Variants in JAK1 observed in about 807,000 individuals in gnomAD.
The protein encoded by JAK1 is tyrosine-protein kinase JAK1.
In JAK1, 16 loss-of-function variants were observed where a neutral mutation model predicts 136.6. That is an observed-to-expected ratio of 0.12 (90% CI 0.08 to 0.18). The LOEUF (loss-of-function observed/expected upper bound fraction) is 0.18. Ranked by LOEUF, JAK1 falls within the 10% of genes least tolerant of loss-of-function variation. The pLI is 1.00. For missense variants in JAK1, 859 were observed against 1,450.1 expected (o/e 0.59, Z 6.62); for synonymous variants, 492 against 519.5 (o/e 0.95, Z 0.72).
intron 1 of JAK1, among the ~76,000 whole-genome samples, chr1:65,067,238 A>G (rs1473791260): frequency 5.3e-5 from 8 of 150,044 alleles, no homozygotes; most frequent in Non-Finnish European, 1.2e-4. Flanking sequence ...GGCAGGCGCT[A>G]GGCGCTGGGC....
intron 2 of JAK1, among the ~76,000 whole-genome samples, chr1:65,032,407 T>G (rs1331944172): frequency 6.6e-6 from 1 of 152,252 alleles, no homozygotes; most frequent in Non-Finnish European, 1.5e-5. Flanking sequence ...GTCTGAGTAC[T>G]GGTCATTCTG....
At chr1:64,873,282 C>T in intron 5 of JAK1, 88 bp downstream of exon 5, 1 of 1,516,376 alleles carries the variant, frequency 6.6e-7, no homozygotes, top group Non-Finnish European at 9.1e-7. Flanking sequence ...TCTAGCACCA[C>T]CAAGTTCAGC....
At chr1:65,023,406 G>A (rs185168408) in intron 2 of JAK1, among the ~76,000 whole-genome samples, 14 of 152,222 alleles carry the variant, frequency 9.2e-5, no homozygotes, top group African/African-American at 3.4e-4. Context: ...AACAGATTTC[G>A]ATAATTGTAC....
At chr1:64,998,302 A>G (rs1289811332) in intron 2 of JAK1, among the ~76,000 whole-genome samples, 4 of 152,246 alleles carry the variant, frequency 2.6e-5, no homozygotes, top group Non-Finnish European at 5.9e-5. Flanking sequence ...AGCATTGTTG[A>G]AAGTAATTAC....
At chr1:64,925,117 CTGGGCGCAG>C (rs1645561160) in intron 1 of JAK1, among the ~76,000 whole-genome samples, 4 of 152,022 alleles carry the variant, frequency 2.6e-5, no homozygotes, top group Admixed American at 1.3e-4. Context: ...TTGCTCTAGG[CTGGGCGCAG>C]TGGCTCATGC....
chr1:64,932,086 C>A (rs1051390442), intron 1 of JAK1, among the ~76,000 whole-genome samples: 3 of 151,476 alleles, frequency 2.0e-5, no homozygotes, highest in African/African-American at 7.3e-5. Flanking sequence ...ACGCTCATAC[C>A]AACACTGTGA....
chr1:64,843,434 G>A (rs777244975), intron 17 of JAK1, among the ~76,000 whole-genome samples: 11 of 152,122 alleles, frequency 7.2e-5, no homozygotes, highest in African/African-American at 2.2e-4. Flanking sequence ...TCCACACCTC[G>A]CCTGTTTTGC....
At chr1:64,962,428 C>G (rs1275383093) in intron 1 of JAK1, among the ~76,000 whole-genome samples, 1 of 152,136 alleles carries the variant, frequency 6.6e-6, no homozygotes, top group African/African-American at 2.4e-5. Context: ...CGCAGAGCAC[C>G]AAGGAAGAAT....
chr1:64,939,819 A>G lies in JAK1; in HGVS notation c.-78+26514T>C, dbSNP rs77356005. Among the ~76,000 whole-genome samples, 171 of 152,306 alleles carry G rather than the reference A, an allele frequency of 1.1e-3. 1 individual carries two copies. The highest frequency in any genetic ancestry group is 4.0e-3 in the African/African-American group (166 of 41,568). On this transcript the variant is annotated intron_variant, in intron 1 of 24. Coordinates refer to ENST00000342505, the MANE Select transcript of JAK1 (RefSeq NM_002227.4). ...TAAAAGTGGGAACCAGAAACAAAAT[A>G]AGAGAATAACTACTTAGACTGTGTA...
At chr1:64,987,257 C>A (rs1361111759) in intron 2 of JAK1, 1 of 152,200 alleles carries the variant, frequency 6.6e-6, no homozygotes, top group Non-Finnish European at 1.5e-5. Context: ...ATTCACTCTA[C>A]CCTACCTTAT....
chr1:65,045,979 T>C (rs937121703), intron 1 of JAK1, among the ~76,000 whole-genome samples: 4 of 152,176 alleles, frequency 2.6e-5, no homozygotes, highest in Non-Finnish European at 5.9e-5. Flanking sequence ...CTAAATCATA[T>C]CTAAGAATAT....
chr1:65,053,030 CAAAAAA>C (rs780968006), intron 1 of JAK1, among the ~76,000 whole-genome samples: 7 of 43,710 alleles, frequency 1.6e-4, no homozygotes, highest in Admixed American at 5.7e-4. Flanking sequence ...ACTCTTGTCT[CAAAAAA>C]AAAAAAAAAA....
At chr1:64,835,926 T>G (rs763948014) in intron 23 of JAK1, among the ~76,000 whole-genome samples, 172 bp downstream of exon 23, 3 of 152,158 alleles carry the variant, frequency 2.0e-5, no homozygotes, top group Admixed American at 6.5e-5. Context: ...AAAGCAAGAC[T>G]TTAGAGATTC....
At chr1:64,895,954 C>T (rs912086542) in intron 1 of JAK1, among the ~76,000 whole-genome samples, 4 of 152,196 alleles carry the variant, frequency 2.6e-5, no homozygotes, top group African/African-American at 4.8e-5. Context: ...ATGGAAACAA[C>T]GGTTATCGTA....
chr1:64,839,907 G>C (rs1448704397), intron 19 of JAK1, 112 bp from the exon 20 acceptor site: 1 of 845,090 alleles, frequency 1.2e-6, no homozygotes, highest in Non-Finnish European at 1.8e-6. Context: ...GGTTCTCGCT[G>C]TCTGGCCTTG....
rs1656748757 is a variant in JAK1 at position 64,867,029 on chromosome 1, G to C, written c.827C>G (p.Thr276Ser). The change falls in exon 7 of 25, where the codon ACT becomes AGT. Residue 276 changes from threonine to serine, a missense_variant. Thr to Ser is a moderately conservative substitution (Grantham distance 58, BLOSUM62 1). Around this residue, in one of 4 missense-constraint regions of JAK1, gnomAD observed 353 missense variants for 494.0 expected, o/e 0.71. Coordinates refer to ENST00000342505, the MANE Select transcript of JAK1 (RefSeq NM_002227.4). The part of the protein sequence containing the change: ...LKVKYLATLE[T>S]LTKHYGAEIF... ...TTCAGCACCGTAATGTTTTGTCAAA[G>C]TTTCCAAGGTAGCCAAGTATTTCAC... The C allele has an allele frequency of 6.2e-7, 1 of 1,614,122 alleles. No individual in the cohort carries two copies. Among genetic ancestry groups the C allele is most frequent in the Admixed American group, 1.7e-5 (1 of 60,012 alleles).
Position 64,886,341 on chromosome 1 carries a change from G to T in JAK1, c.-77C>A. On this transcript the variant is annotated splice_region_variant and 5_prime_UTR_variant, in exon 2 of 25. Coordinates refer to ENST00000342505, the MANE Select transcript of JAK1 (RefSeq NM_002227.4). ...CTTTCCAAAGCTACTTCAGAGAAGC[G>T]CTAAAGACAAAAATAAATAAATAAA... 1.3e-6 allele frequency: 2 copies of T among 1,507,604 alleles called. No individual in the cohort carries two copies. The highest frequency in any genetic ancestry group is 8.8e-7 in the Non-Finnish European group (1 of 1,130,372). The allele number at this position is 1,507,604 out of a possible 1,614,324, so 93.4% of individuals were successfully genotyped here.
intron 1 of JAK1, among the ~76,000 whole-genome samples, chr1:64,916,032 G>A (rs953170143): frequency 3.3e-5 from 5 of 152,162 alleles, no homozygotes; most frequent in Admixed American, 1.3e-4. Flanking sequence ...CAGAGGCTGG[G>A]AGTTCCCCAA....
At chr1:64,991,879 A>G (rs1459266711) in intron 2 of JAK1, 1 of 152,244 alleles carries the variant, frequency 6.6e-6, no homozygotes, top group Non-Finnish European at 1.5e-5. Context: ...TATCCAAAGA[A>G]GTAAATATTA....
Sources: allele counts gnomAD v4.1 joint callset (sites outside exome capture counted in the v4.1 genomes callset), GRCh38; gene constraint gnomAD v4.1.1; regional missense constraint gnomAD v4.1.1; transcripts MANE v1.5; gene names NCBI Gene and HGNC (gene_info 2026-07-23, HGNC 2026-07-21).